Variants in ASMTL observed in about 807,000 individuals in gnomAD.
ASMTL encodes the protein acetylserotonin O-methyltransferase like, also known as probable bifunctional dTTP/UTP pyrophosphatase/methyltransferase protein.
A neutral mutation model predicts 60.3 loss-of-function variants in ASMTL; 57 were observed. The ratio of observed to expected loss-of-function variants is 0.95; its 90% confidence interval spans 0.76 to 1.18. The LOEUF (loss-of-function observed/expected upper bound fraction) is 1.18, where lower values mean the gene tolerates loss of function less well. Among genes scored for constraint, ASMTL ranks in the 50% most tolerant of loss-of-function variants. The pLI, the probability that ASMTL is intolerant of heterozygous loss-of-function variation, is 0.00. For missense variants in ASMTL, 981 were observed against 852.6 expected (o/e 1.15, Z -1.88); for synonymous variants, 419 against 373.0 (o/e 1.12, Z -1.42).
intron 12 of ASMTL, among the ~76,000 whole-genome samples, chrX:1,408,129 A>G: frequency 8.3e-6 from 1 of 120,972 alleles, no homozygotes; most frequent in Non-Finnish European, 1.9e-5. Context: ...TGAGCGCAGG[A>G]GGTCAAGGCT....
In ASMTL at chrX:1,452,765, C is replaced by A; in HGVS notation, c.76G>T (p.Glu26Ter). The A allele has an allele frequency of 6.3e-7, 1 of 1,594,964 alleles. No homozygotes were observed. The highest frequency in any genetic ancestry group is 8.5e-7 in the Non-Finnish European group (1 of 1,176,506). ...VLASASPRRQ[E>*]ILSNAGLRFE... Reference sequence around the variant, plus strand: ...GGCCGTACCGCGTTGCTGAGGATCTCCTGACGGCGTGGGGAGGCGCTGGCC... The same window carrying A: ...GGCCGTACCGCGTTGCTGAGGATCTACTGACGGCGTGGGGAGGCGCTGGCC... Residue 26 changes from glutamate (E) to a stop codon, truncating the protein, a stop_gained, in exon 1 of 13, where the codon GAG (glutamate) becomes TAG (stop). Transcript: ENST00000381317. LOFTEE classifies it high-confidence loss of function.
At chrX:1,450,390 C>T (rs1221608554) in intron 1 of ASMTL, among the ~76,000 whole-genome samples, 1 of 151,872 alleles carries the variant, frequency 6.6e-6, no homozygotes, top group Non-Finnish European at 1.5e-5. Context: ...AGTCACTCAC[C>T]TCCCCAATCC....
At position 1,408,162 on chromosome X, in the gene ASMTL, C is replaced by G. The variant is rs751451900; in HGVS notation, c.1645+4570G>C. ...GCTGCAGTGAACTATGATGGCAACA[C>G]TGCCCTCCAGCCAAATGCTGGTACT... On this transcript the variant is annotated intron_variant, in intron 12 of 12. Coordinates refer to ENST00000381317, the MANE Select transcript of ASMTL (RefSeq NM_004192.4). Among the ~76,000 whole-genome samples, 185 of 94,578 alleles carry G rather than the reference C, an allele frequency of 2.0e-3. 1 individual carries two copies. The highest frequency in any genetic ancestry group is 5.6e-3 in the African/African-American group (172 of 30,494). The allele number at this position is 94,578 out of a possible 152,430, so 62.0% of individuals were successfully genotyped here.
intron 1 of ASMTL, among the ~76,000 whole-genome samples, chrX:1,444,208 AT>A (rs112915722): frequency 0.75 from 92,473 of 123,384 alleles, 33,933 homozygotes; most frequent in East Asian, 0.9. Flanking sequence ...CACTTTTTGT[AT>A]TTTTTTTTTT....
intron 1 of ASMTL, among the ~76,000 whole-genome samples, chrX:1,446,476 G>C (rs1294952448): frequency 6.6e-6 from 1 of 151,288 alleles, no homozygotes; most frequent in African/African-American, 2.4e-5. Flanking sequence ...TGACCCTGTG[G>C]GGCTGGTCCC....
rs371136770 is a variant in ASMTL at position 1,411,677 on chromosome X, C to A, written c.1645+1055G>T. The stretch of plus-strand genomic sequence containing the variant: ...CCCTCTGCCTCGGCCACCCCTGAGA[C>A]AGCAACACCAGCCCACGGCTTCCTC... On this transcript the variant is annotated intron_variant, in intron 12 of 12. Coordinates refer to ENST00000381317, the MANE Select transcript of ASMTL (RefSeq NM_004192.4). Among the ~76,000 whole-genome samples, 13 of 135,004 alleles carry A rather than the reference C, an allele frequency of 9.6e-5. 1 individual carries two copies. The highest frequency in any genetic ancestry group is 4.2e-4 in the East Asian group (2 of 4,798). The allele number at this position is 135,004 out of a possible 152,430, so 88.6% of individuals were successfully genotyped here. A position where few individuals can be genotyped will look rare whatever the true frequency, so the allele number is the denominator to read the frequency against.
In ASMTL at chrX:1,452,745, T is replaced by C. The variant is rs1377070485; in HGVS notation, c.93+3A>G. ...CCCTGCCCCGCCCAGGCCCAGGCCG[T>C]ACCGCGTTGCTGAGGATCTCCTGAC... On this transcript the variant is annotated splice_donor_region_variant and intron_variant, in intron 1 of 12. Transcript: ENST00000381317. The C allele has an allele frequency of 2.2e-5, 35 of 1,580,850 alleles. No individual in the cohort carries two copies. Among genetic ancestry groups the C allele is most frequent in the Non-Finnish European group, 3.0e-5 (35 of 1,169,726 alleles).
intron 12 of ASMTL, among the ~76,000 whole-genome samples, chrX:1,410,788 G>A (rs1236203281): frequency 6.6e-6 from 1 of 151,970 alleles, no homozygotes; most frequent in Non-Finnish European, 1.5e-5. Context: ...TACTCGGGAG[G>A]CTGAGGTGGG....
intron 11 of ASMTL, among the ~76,000 whole-genome samples, chrX:1,416,992 CAG>C (rs1158816031): frequency 3.4e-4 from 45 of 130,904 alleles, no homozygotes; most frequent in Non-Finnish European, 6.0e-4. Flanking sequence ...ACATACCACA[CAG>C]AGATGTGCAC....
chrX:1,403,807 G>A (rs2089685436), intron 12 of ASMTL, among the ~76,000 whole-genome samples: 1 of 152,182 alleles, frequency 6.6e-6, no homozygotes, highest in Non-Finnish European at 1.5e-5. Flanking sequence ...AAAGATGTAT[G>A]GATAGGTGGA....
intron 1 of ASMTL, among the ~76,000 whole-genome samples, chrX:1,450,135 T>TC (rs1263538186): frequency 1.3e-5 from 2 of 150,884 alleles, no homozygotes; most frequent in Admixed American, 6.6e-5. Flanking sequence ...CCAGTAACTA[T>TC]CCCACATCAC....
intron 1 of ASMTL, among the ~76,000 whole-genome samples, chrX:1,451,919 TA>T (rs2091400489): frequency 7.7e-6 from 1 of 129,950 alleles, no homozygotes; most frequent in African/African-American, 3.0e-5. Context: ...TCCCCATCCC[TA>T]GGGGGTCCCG....
chrX:1,403,743 TCTC>T (rs1354216261), intron 12 of ASMTL, among the ~76,000 whole-genome samples: 1 of 152,028 alleles, frequency 6.6e-6, no homozygotes, highest in East Asian at 1.9e-4. Context: ...CTTTTCCGGT[TCTC>T]CTGGATGCAT....
chrX:1,434,393 G>C (rs1269667637), intron 5 of ASMTL, among the ~76,000 whole-genome samples: 24 of 152,086 alleles, frequency 1.6e-4, no homozygotes, highest in Non-Finnish European at 3.1e-4. Context: ...TAGGGGCTGA[G>C]GCGGGAGGAT....
At chrX:1,423,200 C>T (rs1367654523) in intron 8 of ASMTL, among the ~76,000 whole-genome samples, 1 of 152,142 alleles carries the variant, frequency 6.6e-6, no homozygotes, top group Non-Finnish European at 1.5e-5. Flanking sequence ...GATCTGCCTG[C>T]CTTGGCCTCC....
chrX:1,443,007 C>T (rs1486674570), intron 1 of ASMTL, among the ~76,000 whole-genome samples: 1 of 152,238 alleles, frequency 6.6e-6, no homozygotes, highest in Non-Finnish European at 1.5e-5. Flanking sequence ...CTTGGACACA[C>T]ACCGCCATCT....
chrX:1,411,816 T>TC (rs2090037705), intron 12 of ASMTL, among the ~76,000 whole-genome samples: 1 of 112,266 alleles, frequency 8.9e-6, no homozygotes, highest in Non-Finnish European at 2.0e-5. Flanking sequence ...CTTTTTTTTT[T>TC]TTTTTTTTTT....
intron 5 of ASMTL, 68 bp downstream of exon 5, chrX:1,434,954 G>C: frequency 6.4e-7 from 1 of 1,572,080 alleles, no homozygotes; most frequent in South Asian, 1.1e-5. Context: ...TCAAGCCAAG[G>C]GTCCCGAGAA....
rs374907863 is a variant in ASMTL, at chrX:1,403,238, A to G, written c.*31T>C. The G allele has an allele frequency of 2.0e-5, 32 of 1,591,898 alleles. No individual in the cohort carries two copies. The Admixed American group carries it at 3.0e-4, about 15-fold the overall frequency. On this transcript the variant is annotated 3_prime_UTR_variant, in exon 13 of 13. Coordinates refer to ENST00000381317, the MANE Select transcript of ASMTL (RefSeq NM_004192.4). Reference sequence around the variant, plus strand: ...CGGTCCACCTGCAGCCTGGGGGAGGACATCCCTATAATGAACATGCTGCCT... The same window carrying G: ...CGGTCCACCTGCAGCCTGGGGGAGGGCATCCCTATAATGAACATGCTGCCT...
Sources: gnomAD v4.1 joint callset for allele counts (sites outside exome capture counted in the v4.1 genomes callset) on GRCh38, gnomAD v4.1.1 for gene constraint, MANE v1.5 for transcripts, NCBI Gene and HGNC (gene_info 2026-07-23, HGNC 2026-07-21) for gene names.